The following GSG1L variants were observed in gnomAD, a reference collection of about 807,000 sequenced individuals.
GSG1L encodes GSG1 like.
GSG1L carries 24 observed loss-of-function variants against 42.1 expected under a neutral mutation model. The observed-to-expected ratio is 0.57, with a 90% CI of 0.41 to 0.80. The LOEUF is 0.80. Among genes scored for constraint, GSG1L ranks in the 30% least tolerant of loss-of-function variants. The probability of loss-of-function intolerance (pLI) is 0.00; values close to 1 mark genes in which losing one functional copy is unlikely to be tolerated. For synonymous variants in GSG1L, 215 were observed against 203.5 expected (o/e 1.06, Z -0.48); for missense variants, 445 against 472.2 (o/e 0.94, Z 0.53).
rs1417035782 is a variant in GSG1L, at chr16:27,828,854, A to G, written c.765T>C (p.Phe255=). The part of the protein sequence containing the change: ...VIEFRHKRKV[F]EQGYREEPTF... The stretch of plus-strand genomic sequence containing the variant: ...TCGGCTCTTCCCGGTAGCCCTGCTC[A>G]AAGACCTTGCGCTTGTGCCGGAACT... The change falls in exon 5 of 7, where the codon TTT becomes TTC. Residue 255 remains phenylalanine, a synonymous_variant. Transcript: ENST00000447459. 1 of 1,614,066 alleles carries G rather than the reference A, an allele frequency of 6.2e-7. No individual in the cohort carries two copies. The highest frequency in any genetic ancestry group is 1.3e-5 in the African/African-American group (1 of 74,924).
intron 2 of GSG1L, among the ~76,000 whole-genome samples, chr16:27,892,390 C>T (rs867978347): frequency 3.8e-4 from 57 of 151,972 alleles, no homozygotes; most frequent in Admixed American, 1.6e-3. Context: ...CAGGAGGTTG[C>T]GGCTGCAATT....
chr16:27,803,766 C>CATATATATATATATATATATATAT (rs3047681), intron 6 of GSG1L, among the ~76,000 whole-genome samples: 4 of 117,904 alleles, frequency 3.4e-5, no homozygotes, highest in African/African-American at 6.4e-5. Flanking sequence ...ACAGTGCAGA[C>CATATATATATATATATATATATAT]ATATATATAT....
chr16:28,046,936 C>T (rs982214056), intron 1 of GSG1L, among the ~76,000 whole-genome samples: 2 of 152,210 alleles, frequency 1.3e-5, no homozygotes, highest in African/African-American at 4.8e-5. Context: ...GTATCATGCA[C>T]ACGCATGCAC....
intron 2 of GSG1L, among the ~76,000 whole-genome samples, chr16:27,930,279 C>A (rs996279246): frequency 6.6e-6 from 1 of 152,218 alleles, no homozygotes; most frequent in Non-Finnish European, 1.5e-5. Context: ...TGATGCCTCA[C>A]TGGCCCCACA....
intron 2 of GSG1L, among the ~76,000 whole-genome samples, chr16:27,930,750 GGTCTTATTCT>G (rs2084647937): frequency 6.6e-6 from 1 of 152,048 alleles, no homozygotes; most frequent in Non-Finnish European, 1.5e-5. Flanking sequence ...AAAGAGACAG[GGTCTTATTCT>G]GTCATCCAGG....
intron 4 of GSG1L, among the ~76,000 whole-genome samples, chr16:27,841,082 T>C (rs1234944291): frequency 1.3e-5 from 2 of 152,092 alleles, no homozygotes; most frequent in Admixed American, 6.5e-5. Flanking sequence ...GATTTGGGGG[T>C]GATGTGTACA....
intron 2 of GSG1L, among the ~76,000 whole-genome samples, chr16:27,923,747 AGGAAG>A (rs2084556862): frequency 1.5e-5 from 1 of 66,248 alleles, no homozygotes. Context: ...AAAAAAAAAA[AGGAAG>A]AAAGAAAGAA....
chr16:27,823,785 T>C (rs1201388559), intron 5 of GSG1L: 13 of 693,354 alleles, frequency 1.9e-5, no homozygotes, highest in East Asian at 5.4e-5. Context: ...GCAGAGATAA[T>C]TGATCAAGCC....
rs568572815 is a variant in GSG1L at position 27,791,958 on chromosome 16, C to T, written c.899-491G>A. Among the ~76,000 whole-genome samples, 6 of 152,160 alleles carry T rather than the reference C, an allele frequency of 3.9e-5. No homozygotes were observed. In the South Asian group the frequency reaches 6.2e-4, roughly 16 times the overall value. On this transcript the variant is annotated intron_variant, in intron 6 of 6. Transcript: ENST00000447459. Reference sequence around the variant, plus strand: ...CCACCCCATGCCCACCTGACAGCCACGACAGCACCCCCTGCAGTCACGTTC... The same window carrying T: ...CCACCCCATGCCCACCTGACAGCCATGACAGCACCCCCTGCAGTCACGTTC...
intron 4 of GSG1L, among the ~76,000 whole-genome samples, chr16:27,832,254 A>G (rs2083281825): frequency 6.6e-6 from 1 of 152,196 alleles, no homozygotes; most frequent in African/African-American, 2.4e-5. Flanking sequence ...GTTTCCCCCA[A>G]TGGTAAACTC....
intron 1 of GSG1L, among the ~76,000 whole-genome samples, chr16:28,033,140 T>G (rs753994464): frequency 3.3e-5 from 5 of 152,186 alleles, no homozygotes; most frequent in African/African-American, 1.2e-4. Context: ...ACTTCAAATC[T>G]GCCCACTGCA....
chr16:27,982,847 T>C (rs573465664), intron 1 of GSG1L, among the ~76,000 whole-genome samples: 16 of 152,184 alleles, frequency 1.1e-4, no homozygotes, highest in African/African-American at 3.9e-4. Flanking sequence ...GGGCACCAAG[T>C]CATTCATAAG....
chr16:28,053,049 G>A (rs780656555), intron 1 of GSG1L, among the ~76,000 whole-genome samples: 2 of 152,212 alleles, frequency 1.3e-5, no homozygotes, highest in Non-Finnish European at 2.9e-5. Context: ...TGGTGTCCAA[G>A]GGGCTGGAGG....
At chr16:27,995,842 G>A (rs1011735560) in intron 1 of GSG1L, among the ~76,000 whole-genome samples, 1 of 151,338 alleles carries the variant, frequency 6.6e-6, no homozygotes, top group African/African-American at 2.4e-5. Flanking sequence ...GGCCATTGAA[G>A]AAGGACCTCT....
chr16:27,814,960 C>T lies in GSG1L; in HGVS notation c.831-7406G>A, dbSNP rs117821079. 1.8e-4 allele frequency among the ~76,000 whole-genome samples: 27 copies of T among 151,790 alleles called. 1 individual carries two copies. In the East Asian group the frequency reaches 4.1e-3, roughly 23 times the overall value. ...TTTTTTTTTTCTTTTGACAGGGTTC[C>T]ACTCTGTCACCCAGGCTTGTGTGCA... On this transcript the variant is annotated intron_variant, in intron 5 of 6. Coordinates refer to ENST00000447459, the MANE Select transcript of GSG1L (RefSeq NM_001109763.2).
intron 2 of GSG1L, among the ~76,000 whole-genome samples, chr16:27,914,527 T>G (rs570475752): frequency 7.0e-6 from 1 of 142,884 alleles, no homozygotes; most frequent in East Asian, 1.9e-4. Flanking sequence ...TCTTTTCTTT[T>G]CTATTTTTTT....
chr16:27,902,566 AG>A (rs1008554192), intron 2 of GSG1L, among the ~76,000 whole-genome samples: 3 of 148,842 alleles, frequency 2.0e-5, no homozygotes, highest in African/African-American at 7.5e-5. Flanking sequence ...GGGGAGGGAG[AG>A]GGGGGGCCGC....
At chr16:27,818,616 C>T (rs1320091986) in intron 5 of GSG1L, among the ~76,000 whole-genome samples, 2 of 151,834 alleles carry the variant, frequency 1.3e-5, no homozygotes, top group Non-Finnish European at 2.9e-5. Context: ...AAGAAACAGT[C>T]GCAGAGGACA....
chr16:27,884,482 T>C lies in GSG1L; in HGVS notation c.550+4A>G. On this transcript the variant is annotated splice_donor_region_variant and intron_variant, in intron 3 of 6. Coordinates refer to ENST00000447459, the MANE Select transcript of GSG1L (RefSeq NM_001109763.2). This position sits in a 1 kb window ranked among gnomAD's most constrained non-coding sequence, Gnocchi z 4.4. ...GAGAGGCCACAGGACCAGCCATGCCTTACCTGAGAGCACCGTGAAGACAGC... is the reference window on the plus strand; with the variant it reads ...GAGAGGCCACAGGACCAGCCATGCCCTACCTGAGAGCACCGTGAAGACAGC... The C allele has an allele frequency of 6.2e-7, 1 of 1,612,852 alleles. No individual in the cohort carries two copies. The highest frequency in any genetic ancestry group is 8.5e-7 in the Non-Finnish European group (1 of 1,179,416).
Sources: allele counts gnomAD v4.1 joint callset (sites outside exome capture counted in the v4.1 genomes callset), GRCh38; gene constraint gnomAD v4.1.1; non-coding constraint Gnocchi (gnomAD v3.1); transcripts MANE v1.5; gene names NCBI Gene and HGNC (gene_info 2026-07-23, HGNC 2026-07-21).